Variants in FAF1 observed in about 807,000 individuals in gnomAD.
The protein encoded by FAF1 is FAS-associated factor 1.
Under a neutral mutation model 92.5 loss-of-function variants are expected in FAF1, and 25 were observed. The ratio of observed to expected loss-of-function variants is 0.27; its 90% CI spans 0.20 to 0.38. The LOEUF is 0.38. Ranked by LOEUF, FAF1 falls within the 10% of genes least tolerant of loss-of-function variation. FAF1 has a pLI of 1.00. For missense variants in FAF1, 636 were observed against 793.3 expected (o/e 0.80, Z 2.38); for synonymous variants, 234 against 273.2 (o/e 0.86, Z 1.42).
chr1:50,798,536 T>C (rs1661851031), intron 3 of FAF1, among the ~76,000 whole-genome samples: 1 of 152,218 alleles, frequency 6.6e-6, no homozygotes. Context: ...ACCATGTAAA[T>C]ACACAGACTC....
intron 14 of FAF1, 152 bp downstream of exon 14, chr1:50,539,440 G>A (rs145556931): frequency 3.6e-4 from 183 of 514,550 alleles, no homozygotes; most frequent in African/African-American, 3.4e-3. Context: ...ATTTTTTATA[G>A]CACCTATATT....
At chr1:50,605,932 G>A (rs1652362666) in intron 8 of FAF1, among the ~76,000 whole-genome samples, 2 of 152,120 alleles carry the variant, frequency 1.3e-5, no homozygotes, top group Admixed American at 1.3e-4. Flanking sequence ...ACCTGGCCTT[G>A]GAGCCAGGCT....
At chr1:50,668,624 A>G (rs956389324) in intron 7 of FAF1, among the ~76,000 whole-genome samples, 3 of 152,206 alleles carry the variant, frequency 2.0e-5, no homozygotes, top group Non-Finnish European at 4.4e-5. Flanking sequence ...AAATGAATTG[A>G]CACTATGAAA....
chr1:50,503,435 C>G (rs1647016195), intron 15 of FAF1, among the ~76,000 whole-genome samples: 1 of 151,920 alleles, frequency 6.6e-6, no homozygotes, highest in Non-Finnish European at 1.5e-5. Context: ...CTAGGCAACA[C>G]AGCAAGACCC....
chr1:50,521,527 A>C (rs1332785936), intron 15 of FAF1, among the ~76,000 whole-genome samples: 2 of 152,218 alleles, frequency 1.3e-5, no homozygotes, highest in African/African-American at 2.4e-5. Flanking sequence ...TTCAATTTTT[A>C]TTTGGAAAAT....
intron 9 of FAF1, among the ~76,000 whole-genome samples, chr1:50,586,875 C>G (rs1445328750): frequency 6.6e-6 from 1 of 152,094 alleles, no homozygotes; most frequent in East Asian, 1.9e-4. Flanking sequence ...GGTAAAGGCT[C>G]AAGATTTACA....
At chr1:50,730,259 ATTGT>A (rs1448045014) in intron 6 of FAF1, among the ~76,000 whole-genome samples, 14 of 152,000 alleles carry the variant, frequency 9.2e-5, no homozygotes, top group Admixed American at 5.2e-4. Flanking sequence ...TGGATATTTC[ATTGT>A]TTATTTTGAA....
intron 8 of FAF1, 131 bp downstream of exon 8, chr1:50,655,311 C>T (rs1422609946): frequency 1.7e-5 from 12 of 708,866 alleles, no homozygotes; most frequent in Non-Finnish European, 2.3e-5. Context: ...CATGAGCCAC[C>T]GTGCCTGGCT....
At chr1:50,669,409 T>G (rs1655770883) in intron 7 of FAF1, among the ~76,000 whole-genome samples, 1 of 152,240 alleles carries the variant, frequency 6.6e-6, no homozygotes, top group Non-Finnish European at 1.5e-5. Flanking sequence ...TGTCATAGAC[T>G]GTGTTGTCTT....
intron 8 of FAF1, among the ~76,000 whole-genome samples, chr1:50,650,145 G>A (rs557429310): frequency 2.0e-5 from 3 of 148,518 alleles, no homozygotes; most frequent in East Asian, 2.0e-4. Flanking sequence ...TTAGCCGGGC[G>A]TGGTGGTGCA....
chr1:50,451,441 C>T (rs1279879685), intron 18 of FAF1, among the ~76,000 whole-genome samples: 4 of 152,108 alleles, frequency 2.6e-5, no homozygotes, highest in Admixed American at 1.3e-4. Context: ...AGAGGCTCAG[C>T]GAGATTATAT....
intron 2 of FAF1, among the ~76,000 whole-genome samples, chr1:50,834,080 G>A (rs1350859571): frequency 6.6e-6 from 1 of 152,186 alleles, no homozygotes; most frequent in East Asian, 1.9e-4. Flanking sequence ...CCCCCTTGCT[G>A]TTCTCATGAT....
At chr1:50,877,815 T>C (rs1644582607) in intron 1 of FAF1, among the ~76,000 whole-genome samples, 1 of 152,200 alleles carries the variant, frequency 6.6e-6, no homozygotes, top group South Asian at 2.1e-4. Context: ...ATTCTTGTGA[T>C]ACCCAACTAA....
intron 6 of FAF1, among the ~76,000 whole-genome samples, chr1:50,716,732 G>A (rs1658191673): frequency 1.3e-5 from 2 of 152,186 alleles, no homozygotes; most frequent in Admixed American, 1.3e-4. Context: ...AATCAGTGCT[G>A]TGTGCGTAGC....
chr1:50,788,268 A>T (rs1661436509), intron 3 of FAF1, 63 bp from the exon 4 acceptor site: 1 of 1,383,998 alleles, frequency 7.2e-7, no homozygotes, highest in African/African-American at 1.4e-5. Flanking sequence ...ACTACTAGGG[A>T]CCCTCTCCAT....
Position 50,537,715 on chromosome 1 carries a change from G to A in FAF1, c.1405+1877C>T, listed in dbSNP as rs1648558100. 7.9e-5 allele frequency among the ~76,000 whole-genome samples: 12 copies of A among 152,202 alleles called. No individual in the cohort carries two copies. In the South Asian group the frequency reaches 2.5e-3, roughly 32 times the overall value. Reference sequence around the variant, plus strand: ...TAACATTTTTGCAAATCTCTGTAATGTGTGTGCTTAATAGAAAACAACCGT... The same window carrying A: ...TAACATTTTTGCAAATCTCTGTAATATGTGTGCTTAATAGAAAACAACCGT... On this transcript the variant is annotated intron_variant, in intron 14 of 18. Transcript: ENST00000396153.
At chr1:50,570,966 G>A (rs1163546179) in intron 12 of FAF1, among the ~76,000 whole-genome samples, 1 of 152,118 alleles carries the variant, frequency 6.6e-6, no homozygotes, top group African/African-American at 2.4e-5. Context: ...CACAGAAAAC[G>A]AGTAAGAAAA....
At chr1:50,630,535 C>T (rs1221581435) in intron 8 of FAF1, among the ~76,000 whole-genome samples, 1 of 152,122 alleles carries the variant, frequency 6.6e-6, no homozygotes, top group Non-Finnish European at 1.5e-5. Context: ...TGCCCTTTCC[C>T]CCTATTCTAT....
At chr1:50,906,715 T>C (rs563012412) in intron 1 of FAF1, among the ~76,000 whole-genome samples, 5 of 152,346 alleles carry the variant, frequency 3.3e-5, no homozygotes, top group Non-Finnish European at 7.3e-5. Context: ...CCTGTGATTT[T>C]TGCACATTGA....
Sources: gnomAD v4.1 joint callset for allele counts (sites outside exome capture counted in the v4.1 genomes callset) on GRCh38, gnomAD v4.1.1 for gene constraint, MANE v1.5 for transcripts, NCBI Gene and HGNC (gene_info 2026-07-23, HGNC 2026-07-21) for gene names.